The following SNRNP27 variants were observed in gnomAD, a reference collection of about 807,000 sequenced individuals.
The protein encoded by SNRNP27 is small nuclear ribonucleoprotein U4/U6.U5 subunit 27.
In SNRNP27, 22 loss-of-function variants were observed where a neutral mutation model predicts 25.1. The ratio of observed to expected loss-of-function variants is 0.88; its 90% CI spans 0.63 to 1.25. The LOEUF is 1.25. Ranked by LOEUF, SNRNP27 falls within the 50% of genes most tolerant of loss-of-function variation. The pLI is 0.00. For missense variants in SNRNP27, 150 were observed against 202.3 expected (o/e 0.74, Z 1.57); for synonymous variants, 66 against 64.9 (o/e 1.02, Z -0.08).
At position 69,904,539 on chromosome 2, in the gene SNRNP27, C is replaced by T; in HGVS notation, c.*231C>T. On this transcript the variant is annotated 3_prime_UTR_variant, in exon 6 of 6. Transcript: ENST00000244227. ...AATATCATTTGTGGCAGGCGTCAAC[C>T]CCATTTTATTTGTCCTTATTCCTGT... 1.9e-6 allele frequency: 1 copy of T among 524,362 alleles called. No individual in the cohort carries two copies. The highest frequency in any genetic ancestry group is 3.3e-6 in the Non-Finnish European group (1 of 307,264). The allele number at this position is 524,362 out of a possible 1,614,324, so 32.5% of individuals were successfully genotyped here.
chr2:69,902,938 CTTTTTTTT>C (rs761833954), intron 4 of SNRNP27, among the ~76,000 whole-genome samples: 1 of 92,412 alleles, frequency 1.1e-5, no homozygotes, highest in East Asian at 3.4e-4. Context: ...TCTTCTTCTT[CTTTTTTTT>C]TTTTTTTTTT....
chr2:69,901,689 C>T (rs1425665292), intron 4 of SNRNP27, among the ~76,000 whole-genome samples: 1 of 151,980 alleles, frequency 6.6e-6, no homozygotes, highest in Non-Finnish European at 1.5e-5. Flanking sequence ...AGCTTGGTGG[C>T]ATGTGCCTGT....
At chr2:69,899,628 C>T (rs1676659748) in intron 4 of SNRNP27, among the ~76,000 whole-genome samples, 1 of 152,032 alleles carries the variant, frequency 6.6e-6, no homozygotes, top group African/African-American at 2.4e-5. Flanking sequence ...TGGGGTTTCG[C>T]CATATTGGCC....
intron 4 of SNRNP27, among the ~76,000 whole-genome samples, chr2:69,902,128 G>A (rs1007059024): frequency 6.6e-6 from 1 of 152,230 alleles, no homozygotes; most frequent in Non-Finnish European, 1.5e-5. Flanking sequence ...AATGTGAGCA[G>A]AGAGTTATAC....
intron 4 of SNRNP27, among the ~76,000 whole-genome samples, chr2:69,902,288 C>CCTCCTT (rs913155866): frequency 7.9e-5 from 12 of 151,018 alleles, no homozygotes; most frequent in Admixed American, 2.0e-4. Context: ...CCTCCTTCCT[C>CCTCCTT]CTTCCTCCTC....
At chr2:69,904,167 T>C (rs1676754187) in intron 5 of SNRNP27, 87 bp from the exon 6 acceptor site, 1 of 840,006 alleles carries the variant, frequency 1.2e-6, no homozygotes. Context: ...AGATGGTTTA[T>C]AGTTTTCATC....
intron 1 of SNRNP27, 31 bp from the exon 2 acceptor site, chr2:69,895,063 C>T (rs182377309): frequency 1.9e-6 from 3 of 1,610,112 alleles, no homozygotes; most frequent in East Asian, 2.2e-5. Flanking sequence ...AGGTAATTAT[C>T]AGTTCTGCAA....
At chr2:69,900,496 A>G (rs1676675110) in intron 4 of SNRNP27, among the ~76,000 whole-genome samples, 1 of 152,250 alleles carries the variant, frequency 6.6e-6, no homozygotes, top group Admixed American at 6.5e-5. Context: ...CTCCAAAAAA[A>G]TACATGAAAA....
Position 69,894,048 on chromosome 2 carries a change from G to A in SNRNP27, c.34+30G>A, listed in dbSNP as rs371907873. ...GTCCTGTAGCAATTCGGAGGATATGGGGCTCTGTTGGAGGCCTGTCCCTTT... is the reference window on the plus strand; with the variant it reads ...GTCCTGTAGCAATTCGGAGGATATGAGGCTCTGTTGGAGGCCTGTCCCTTT... On this transcript the variant is annotated intron_variant, in intron 1 of 5. Coordinates refer to ENST00000244227, the MANE Select transcript of SNRNP27 (RefSeq NM_006857.3). The A allele has an allele frequency of 4.4e-6, 7 of 1,599,424 alleles. No homozygotes were observed. In the African/African-American group the frequency reaches 9.4e-5, roughly 21 times the overall value.
At chr2:69,902,938 C>CTTTTTTTTT (rs761833954) in intron 4 of SNRNP27, among the ~76,000 whole-genome samples, 45 of 92,400 alleles carry the variant, frequency 4.9e-4, no homozygotes, top group East Asian at 6.8e-4. Flanking sequence ...TCTTCTTCTT[C>CTTTTTTTTT]TTTTTTTTTT....
In SNRNP27 at chr2:69,895,009, G is replaced by A. The variant is rs1019817679; in HGVS notation, c.35-85G>A. 14 of 1,566,694 alleles carry A rather than the reference G, an allele frequency of 8.9e-6. No homozygotes were observed. In the South Asian group the frequency reaches 1.5e-4, roughly 17 times the overall value. On this transcript the variant is annotated intron_variant, in intron 1 of 5. Coordinates refer to ENST00000244227, the MANE Select transcript of SNRNP27 (RefSeq NM_006857.3). ...TACCTTTTTAATGTGACTAGTAATG[G>A]TTTGCATTATTTTTCTACTGGACGG...
At chr2:69,903,950 G>T (rs897659972) in intron 5 of SNRNP27, among the ~76,000 whole-genome samples, 1 of 151,638 alleles carries the variant, frequency 6.6e-6, no homozygotes, top group Non-Finnish European at 1.5e-5. Flanking sequence ...TATATGTTTC[G>T]TGTTACCTAA....
In SNRNP27 at chr2:69,895,345, A is replaced by G. The variant is rs1459734449; in HGVS notation, c.155+131A>G. On this transcript the variant is annotated intron_variant, in intron 2 of 5. Coordinates refer to ENST00000244227, the MANE Select transcript of SNRNP27 (RefSeq NM_006857.3). The stretch of plus-strand genomic sequence containing the variant: ...CCTGAAATGGAGGAAACTTAATCCA[A>G]CCTTATTCTAAAGCTAACATTCACC... 20 of 1,132,888 alleles carry G rather than the reference A, an allele frequency of 1.8e-5. No homozygotes were observed. In the East Asian group the frequency reaches 2.3e-4, roughly 13 times the overall value. 70.2% of individuals were successfully genotyped at this position (1,132,888 alleles called of 1,614,324 possible).
chr2:69,902,247 TCCTC>T (rs1676712132), intron 4 of SNRNP27, among the ~76,000 whole-genome samples: 1 of 149,046 alleles, frequency 6.7e-6, no homozygotes, highest in Admixed American at 6.7e-5. Context: ...TTCTTCTCCT[TCCTC>T]CTTCCTTCTT....
chr2:69,896,296 G>T, intron 2 of SNRNP27, 140 bp from the exon 3 acceptor site: 1 of 741,880 alleles, frequency 1.3e-6, no homozygotes, highest in Non-Finnish European at 2.1e-6. Flanking sequence ...AACAATCAAG[G>T]CCTTGGCAGA....
At chr2:69,894,493 A>G (rs1394582989) in intron 1 of SNRNP27, among the ~76,000 whole-genome samples, 1 of 152,116 alleles carries the variant, frequency 6.6e-6, no homozygotes, top group African/African-American at 2.4e-5. Context: ...TAAATGTTAG[A>G]TTCCTGCCCA....
At chr2:69,899,444 T>C (rs1201173708) in intron 4 of SNRNP27, among the ~76,000 whole-genome samples, 2 of 152,194 alleles carry the variant, frequency 1.3e-5, no homozygotes, top group Non-Finnish European at 2.9e-5. Flanking sequence ...AATTTTATTT[T>C]TTCGAGACAG....
chr2:69,894,060 A>T (rs756913665), intron 1 of SNRNP27, 42 bp downstream of exon 1: 1 of 1,560,160 alleles, frequency 6.4e-7, no homozygotes, highest in Admixed American at 1.7e-5. Flanking sequence ...GCTCTGTTGG[A>T]GGCCTGTCCC....
chr2:69,904,246 C>A lies in SNRNP27; in HGVS notation c.414-8C>A. 6.3e-7 allele frequency: 1 copy of A among 1,581,528 alleles called. No individual in the cohort carries two copies. The highest frequency in any genetic ancestry group is 8.6e-7 in the Non-Finnish European group (1 of 1,165,100). On this transcript the variant is annotated splice_region_variant and splice_polypyrimidine_tract_variant and intron_variant, in intron 5 of 5. Coordinates refer to ENST00000244227, the MANE Select transcript of SNRNP27 (RefSeq NM_006857.3). Reference sequence around the variant, plus strand: ...AAAAAAACAATGAATTTTCTCTTCTCATCATAGGCAGTACATGAATCGAAA... The same window carrying A: ...AAAAAAACAATGAATTTTCTCTTCTAATCATAGGCAGTACATGAATCGAAA...
Sources: gnomAD v4.1 joint callset for allele counts (sites outside exome capture counted in the v4.1 genomes callset) on GRCh38, gnomAD v4.1.1 for gene constraint, MANE v1.5 for transcripts, NCBI Gene and HGNC (gene_info 2026-07-23, HGNC 2026-07-21) for gene names.